Variants in NFIB observed in about 807,000 individuals in gnomAD.
The protein encoded by NFIB is nuclear factor I B, also known as nuclear factor 1 B-type.
A neutral mutation model predicts 61.5 loss-of-function variants in NFIB; 11 were observed. The observed-to-expected ratio is 0.18, with a 90% CI of 0.11 to 0.30. The LOEUF (loss-of-function observed/expected upper bound fraction) is 0.30. NFIB is among the 10% of genes least tolerant of loss of function. The pLI is 1.00. For missense variants in NFIB, 471 were observed against 608.9 expected (o/e 0.77, Z 2.38); for synonymous variants, 260 against 216.5 (o/e 1.20, Z -1.76).
chr9:14,247,598 C>G (rs1269343006), intron 2 of NFIB, among the ~76,000 whole-genome samples: 2 of 152,176 alleles, frequency 1.3e-5, no homozygotes, highest in African/African-American at 2.4e-5. Context: ...CATCCAAAGG[C>G]CACCGCCACC....
In NFIB at chr9:14,295,408, C is replaced by T. The variant is rs559225112; in HGVS notation, c.562+11581G>A. Among the ~76,000 whole-genome samples the T allele has an allele frequency of 6.2e-3, 946 of 152,090 alleles. 6 individuals are homozygous for T. The highest frequency in any genetic ancestry group is 0.011 in the Non-Finnish European group (747 of 67,994). ...TGGGAGGCCCAAGGCGGGCAGATCA[C>T]GAGGTCAGGAGATGGAGATCATCCT... On this transcript the variant is annotated intron_variant, in intron 2 of 10. Transcript: ENST00000380953.
chr9:14,485,895 C>A, the NFIB span, among the ~76,000 whole-genome samples: 1 of 150,882 alleles, frequency 6.6e-6, no homozygotes, highest in Non-Finnish European at 1.5e-5. Flanking sequence ...CACAAAAAAA[C>A]AAAAAACAAC....
intron 1 of NFIB, among the ~76,000 whole-genome samples, chr9:14,370,916 G>A (rs200076523): frequency 2.6e-5 from 4 of 152,114 alleles, no homozygotes; most frequent in East Asian, 1.9e-4. Flanking sequence ...CCAACGTGGC[G>A]AAACCCCATC....
chr9:14,292,747 C>T (rs1424288970), intron 2 of NFIB, among the ~76,000 whole-genome samples: 2 of 152,090 alleles, frequency 1.3e-5, no homozygotes, highest in Non-Finnish European at 2.9e-5. Context: ...CATCAGTAAA[C>T]AAAGGAATGG....
chr9:14,422,239 T>C, the NFIB span, among the ~76,000 whole-genome samples: 1 of 152,208 alleles, frequency 6.6e-6, no homozygotes, highest in East Asian at 1.9e-4. Flanking sequence ...ATGGAAACTT[T>C]CCTGCCTTTT....
the NFIB span, among the ~76,000 whole-genome samples, chr9:14,411,625 G>A: frequency 6.6e-6 from 1 of 152,148 alleles, no homozygotes; most frequent in African/African-American, 2.4e-5. Flanking sequence ...AACAATACCA[G>A]GGCTTGAACT....
intron 2 of NFIB, among the ~76,000 whole-genome samples, chr9:14,290,427 C>T (rs1386634845): frequency 6.6e-6 from 1 of 151,974 alleles, no homozygotes; most frequent in African/African-American, 2.4e-5. Context: ...GCAGGTGCGG[C>T]GGTAAGCACT....
chr9:14,134,068 T>C (rs1181439318), intron 6 of NFIB, among the ~76,000 whole-genome samples: 2 of 152,152 alleles, frequency 1.3e-5, no homozygotes, highest in African/African-American at 2.4e-5. Context: ...GTGTGTTCCT[T>C]GATGGTTTAA....
At chr9:14,398,627 T>C in exon 1 of NFIB, 1 of 1,529,684 alleles carries the variant, frequency 6.5e-7, no homozygotes. Context: ...TGGGATTCTT[T>C]CCATACTCCG....
chr9:14,416,599 T>C, the NFIB span, among the ~76,000 whole-genome samples: 1 of 151,982 alleles, frequency 6.6e-6, no homozygotes, highest in South Asian at 2.1e-4. Flanking sequence ...AGCTGTACAA[T>C]GTGTGTTTTA....
chr9:14,273,756 C>G (rs1197150226), intron 2 of NFIB, among the ~76,000 whole-genome samples: 2 of 152,108 alleles, frequency 1.3e-5, no homozygotes, highest in African/African-American at 4.8e-5. Context: ...AATCTCAGCA[C>G]GCATCTCCAC....
At chr9:14,146,935 A>G in intron 5 of NFIB, 128 bp from the exon 6 acceptor site, 1 of 1,230,248 alleles carries the variant, frequency 8.1e-7, no homozygotes, top group South Asian at 1.4e-5. Context: ...GGTGAGTATA[A>G]TGGTGAGTAT....
intron 1 of NFIB, among the ~76,000 whole-genome samples, chr9:14,393,592 G>C (rs989862529): frequency 6.6e-6 from 1 of 152,080 alleles, no homozygotes; most frequent in Non-Finnish European, 1.5e-5. Flanking sequence ...AGCACATCTA[G>C]GACTCCCAGT....
At chr9:14,317,719 G>C (rs2060573706), upstream of NFIB, among the ~76,000 whole-genome samples, 1 of 152,206 alleles carries the variant, frequency 6.6e-6, no homozygotes, top group African/African-American at 2.4e-5. Flanking sequence ...GTCATTGCAG[G>C]CCTTCCCTGG....
At chr9:14,436,959 G>A in the NFIB span, among the ~76,000 whole-genome samples, 1 of 152,230 alleles carries the variant, frequency 6.6e-6, no homozygotes, top group South Asian at 2.1e-4. Context: ...TTCAAATGAG[G>A]TTGAAGTTGA....
At chr9:14,249,475 C>CT (rs1019999492) in intron 2 of NFIB, among the ~76,000 whole-genome samples, 5 of 151,990 alleles carry the variant, frequency 3.3e-5, no homozygotes, top group Admixed American at 1.3e-4. Flanking sequence ...GTTCATTCTA[C>CT]TTTTTTTTAA....
intron 10 of NFIB, among the ~76,000 whole-genome samples, chr9:14,093,973 C>G (rs541147318): frequency 3.9e-5 from 6 of 152,228 alleles, no homozygotes; most frequent in Non-Finnish European, 8.8e-5. Context: ...TACTGTTCTA[C>G]ATGCTTGACC....
At chr9:14,518,949 G>T in the NFIB span, among the ~76,000 whole-genome samples, 1 of 152,146 alleles carries the variant, frequency 6.6e-6, no homozygotes, top group Non-Finnish European at 1.5e-5. Flanking sequence ...AGGAGGAAGG[G>T]GAAAGTCCAG....
rs553017089 is a variant in NFIB at position 14,105,105 on chromosome 9, C to T, written c.1467+7894G>A. Among the ~76,000 whole-genome samples the T allele has an allele frequency of 4.6e-5, 7 of 152,158 alleles. No individual in the cohort carries two copies. The Middle Eastern group carries it at 0.01, about 222-fold the overall frequency. On this transcript the variant is annotated intron_variant, in intron 10 of 10. Coordinates refer to ENST00000380953, the MANE Select transcript of NFIB (RefSeq NM_001190737.2). ...ATATTTTGTCTGTTTGTTTGTTTTA[C>T]GACCCCCAAAAATGTCAAATGGGCT...
Sources: gnomAD v4.1 joint callset for allele counts (sites outside exome capture counted in the v4.1 genomes callset) on GRCh38, gnomAD v4.1.1 for gene constraint, MANE v1.5 for transcripts, NCBI Gene and HGNC (gene_info 2026-07-23, HGNC 2026-07-21) for gene names.